Variants in PKD1L1 observed in about 807,000 individuals in gnomAD.
PKD1L1 encodes polycystin 1 like 1, transient receptor potential channel interacting.
Under a neutral mutation model 323.4 loss-of-function variants are expected in PKD1L1, and 236 were observed. The ratio of observed to expected loss-of-function variants is 0.73; its 90% CI spans 0.66 to 0.81. The LOEUF (loss-of-function observed/expected upper bound fraction) is 0.81. Ranked by LOEUF, PKD1L1 falls within the 40% of genes least tolerant of loss-of-function variation. The probability of loss-of-function intolerance (pLI) is 0.00; values close to 1 mark genes in which losing one functional copy is unlikely to be tolerated. For synonymous variants in PKD1L1, 1,344 were observed against 1,335.0 expected (o/e 1.01, Z -0.15); for missense variants, 3,320 against 3,508.0 (o/e 0.95, Z 1.35).
At chr7:47,795,327 T>C (rs1468885130) in intron 55 of PKD1L1, 1 of 455,602 alleles carries the variant, frequency 2.2e-6, no homozygotes, top group Non-Finnish European at 4.4e-6. Flanking sequence ...CAAGATCTGA[T>C]CATTTATAAT....
intron 17 of PKD1L1, among the ~76,000 whole-genome samples, chr7:47,887,428 C>A (rs1371615890): frequency 6.6e-6 from 1 of 152,200 alleles, no homozygotes; most frequent in Non-Finnish European, 1.5e-5. Context: ...TCCTGCAGCA[C>A]CCAGTGTCCT....
chr7:47,826,939 T>A (rs1785249257), intron 45 of PKD1L1, among the ~76,000 whole-genome samples: 1 of 152,242 alleles, frequency 6.6e-6, no homozygotes, highest in Admixed American at 6.5e-5. Flanking sequence ...TGCATTTATC[T>A]TACAGCTTCC....
rs751645070 is a variant in PKD1L1, at chr7:47,908,221, A to C, written c.1258T>G (p.Tyr420Asp). The C allele has an allele frequency of 1.9e-6, 3 of 1,614,094 alleles. No homozygotes were observed. In the African/African-American group the frequency reaches 4.0e-5, roughly 22 times the overall value. ...KGVYMLKAVI[Y>D]NEFHGTEVEL... ...ACTTCGGTTCCATGAAACTCGTTAT[A>C]AATAACAGCCTTGAGCATATAGACT... The change falls in exon 9 of 57, where the codon TAT becomes GAT. Residue 420 changes from tyrosine to aspartate, a missense_variant. By Grantham distance (160) the Tyr-to-Asp change is radical. Transcript: ENST00000289672.
chr7:47,817,230 AAAAC>A (rs566520119), intron 46 of PKD1L1, among the ~76,000 whole-genome samples: 5 of 152,026 alleles, frequency 3.3e-5, no homozygotes, highest in African/African-American at 4.8e-5. Flanking sequence ...GACTTCATCT[AAAAC>A]AAACAAACAA....
intron 14 of PKD1L1, 102 bp from the exon 15 acceptor site, chr7:47,894,161 T>A: frequency 9.5e-7 from 1 of 1,056,610 alleles, no homozygotes. Context: ...CCGACGAGTC[T>A]CAACGCATCC....
the PKD1L1 span, among the ~76,000 whole-genome samples, chr7:47,957,514 ATTTC>A: frequency 6.6e-6 from 1 of 152,082 alleles, no homozygotes. Context: ...AACTAGTATT[ATTTC>A]TTTTTTTTGA....
At chr7:47,805,917 G>T (rs1784767052) in intron 52 of PKD1L1, among the ~76,000 whole-genome samples, 1 of 152,158 alleles carries the variant, frequency 6.6e-6, no homozygotes, top group Non-Finnish European at 1.5e-5. Context: ...GCAGTGCCTG[G>T]CAGGAGCTAA....
intron 28 of PKD1L1, among the ~76,000 whole-genome samples, chr7:47,855,895 A>AAAAAAG (rs1785893217): frequency 1.1e-5 from 1 of 89,842 alleles, no homozygotes; most frequent in African/African-American, 6.4e-5. Context: ...AAAAAAAAAA[A>AAAAAAG]AAAAAGAAAA....
intron 8 of PKD1L1, among the ~76,000 whole-genome samples, chr7:47,912,532 C>G (rs760020189): frequency 8.0e-4 from 122 of 152,156 alleles, no homozygotes; most frequent in Admixed American, 3.4e-3. Context: ...GAAATAACTA[C>G]CGGCTGGGCA....
intron 46 of PKD1L1, among the ~76,000 whole-genome samples, chr7:47,816,214 A>G (rs1785015605): frequency 6.6e-6 from 1 of 152,232 alleles, no homozygotes. Context: ...GAAGACATAG[A>G]TGAAGTGCAG....
intron 23 of PKD1L1, among the ~76,000 whole-genome samples, chr7:47,874,700 A>G (rs1786365653): frequency 1.4e-5 from 2 of 147,338 alleles, no homozygotes; most frequent in Admixed American, 1.3e-4. Context: ...GGTTGGTCCT[A>G]TGCACGGATA....
intron 26 of PKD1L1, among the ~76,000 whole-genome samples, chr7:47,861,990 T>G (rs1786040446): frequency 6.8e-6 from 1 of 147,904 alleles, no homozygotes. Flanking sequence ...AGGTCAGGAG[T>G]TCGAGACCAG....
At chr7:47,897,785 T>G (rs1278947949) in intron 14 of PKD1L1, among the ~76,000 whole-genome samples, 1 of 152,230 alleles carries the variant, frequency 6.6e-6, no homozygotes. Flanking sequence ...ATCAATTGCT[T>G]TGACTGCATT....
chr7:47,960,562 A>G, the PKD1L1 span, among the ~76,000 whole-genome samples: 1 of 151,796 alleles, frequency 6.6e-6, no homozygotes, highest in African/African-American at 2.4e-5. Flanking sequence ...TGGACAGCTG[A>G]TCAGGTTTAC....
At chr7:47,858,119 A>T (rs1356819301) in intron 27 of PKD1L1, among the ~76,000 whole-genome samples, 1 of 152,194 alleles carries the variant, frequency 6.6e-6, no homozygotes, top group Admixed American at 6.5e-5. Context: ...AGCCAGCAGG[A>T]CTGGAGAGGG....
intron 54 of PKD1L1, 78 bp downstream of exon 54, chr7:47,800,571 A>G (rs1784637951): frequency 1.4e-6 from 2 of 1,441,182 alleles, no homozygotes; most frequent in South Asian, 1.2e-5. Context: ...CCCTGTCCAC[A>G]TGGACCAGAG....
At chr7:47,854,794 A>G (rs1785859686) in intron 30 of PKD1L1, 88 bp downstream of exon 30, 1 of 1,462,892 alleles carries the variant, frequency 6.8e-7, no homozygotes, top group African/African-American at 1.4e-5. Flanking sequence ...TAAAAACACA[A>G]TTTAATTCAC....
At chr7:47,899,880 C>T (rs935696686) in intron 13 of PKD1L1, among the ~76,000 whole-genome samples, 8 of 148,180 alleles carry the variant, frequency 5.4e-5, no homozygotes, top group African/African-American at 1.3e-4. Context: ...GGTGTGAACC[C>T]GGGAGGCGGA....
At chr7:47,806,249 C>T (rs1182291837) in intron 52 of PKD1L1, among the ~76,000 whole-genome samples, 3 of 152,218 alleles carry the variant, frequency 2.0e-5, no homozygotes, top group African/African-American at 7.2e-5. Flanking sequence ...TACATTCACT[C>T]TGCCCCCTAT....
Sources: allele counts gnomAD v4.1 joint callset (sites outside exome capture counted in the v4.1 genomes callset), GRCh38; gene constraint gnomAD v4.1.1; transcripts MANE v1.5; gene names NCBI Gene and HGNC (gene_info 2026-07-23, HGNC 2026-07-21).